The following ELN variants were observed in gnomAD, a reference collection of about 807,000 sequenced individuals.
ELN encodes elastin, also known as tropoelastin.
In ELN, 65 loss-of-function variants were observed where a neutral mutation model predicts 105.8. The ratio of observed to expected loss-of-function variants is 0.61; its 90% CI spans 0.50 to 0.75. ELN has a LOEUF of 0.75. ELN is among the 30% of genes least tolerant of loss of function. The probability of loss-of-function intolerance (pLI) is 0.00; values close to 1 mark genes in which losing one functional copy is unlikely to be tolerated. For missense variants in ELN, 882 were observed against 969.4 expected (o/e 0.91, Z 1.20); for synonymous variants, 368 against 389.2 (o/e 0.95, Z 0.64).
rs544792691 is a variant in ELN, at chr7:74,038,515, C to A, written c.196+776C>A. Reference sequence around the variant, plus strand: ...GCCTCGCCCAAGGGGCTGGGATCTGCCACGAGGGTCCACTCTCAGCTCTGG... The same window carrying A: ...GCCTCGCCCAAGGGGCTGGGATCTGACACGAGGGTCCACTCTCAGCTCTGG... On this transcript the variant is annotated intron_variant, in intron 4 of 32. Coordinates refer to ENST00000252034, the MANE Select transcript of ELN (RefSeq NM_000501.4). 2.6e-5 allele frequency among the ~76,000 whole-genome samples: 4 copies of A among 152,342 alleles called. No individual in the cohort carries two copies. In the South Asian group the frequency reaches 8.3e-4, roughly 32 times the overall value.
Position 74,051,986 on chromosome 7 carries a change from G to A in ELN, c.949+3G>A. On this transcript the variant is annotated splice_donor_region_variant and intron_variant, in intron 17 of 32. Transcript: ENST00000252034. Reference sequence around the variant, plus strand: ...AGCCGCTAAGGCAGCCAAGTATGGTGAGTGCCTCCCGGGGTGGCAAGTCCA... The same window carrying A: ...AGCCGCTAAGGCAGCCAAGTATGGTAAGTGCCTCCCGGGGTGGCAAGTCCA... The A allele has an allele frequency of 6.2e-7, 1 of 1,613,152 alleles. No homozygotes were observed.
chr7:74,046,645 G>A, intron 11 of ELN, 51 bp from the exon 12 acceptor site: 1 of 1,601,132 alleles, frequency 6.2e-7, no homozygotes, highest in Non-Finnish European at 8.6e-7. Flanking sequence ...GGGTGGCGGA[G>A]GGTTTGGAAG....
At chr7:74,032,914 C>T (rs1156294435) in intron 1 of ELN, among the ~76,000 whole-genome samples, 1 of 152,258 alleles carries the variant, frequency 6.6e-6, no homozygotes, top group Non-Finnish European at 1.5e-5. Context: ...GTAACTACTG[C>T]ATACCTGGCC....
intron 9 of ELN, among the ~76,000 whole-genome samples, chr7:74,044,350 G>A (rs1178665698): frequency 1.3e-5 from 2 of 152,012 alleles, no homozygotes; most frequent in East Asian, 1.9e-4. Flanking sequence ...GTCCTGACCT[G>A]AGCCATTTCC....
intron 1 of ELN, among the ~76,000 whole-genome samples, chr7:74,028,695 C>T (rs1486426923): frequency 6.6e-6 from 1 of 152,162 alleles, no homozygotes; most frequent in Non-Finnish European, 1.5e-5. Flanking sequence ...GGGCTTGATA[C>T]CAGCTCAACC....
chr7:74,036,408 G>A (rs1423837359), intron 2 of ELN, 147 bp from the exon 3 acceptor site: 2 of 1,019,004 alleles, frequency 2.0e-6, no homozygotes, highest in Admixed American at 1.9e-5. Context: ...TGGCCAAGCA[G>A]AAGAGAAAAC....
Position 74,051,695 on chromosome 7 carries a change from C to A in ELN, c.800-55C>A, listed in dbSNP as rs1307786307. ...CGCCGGCGTCTAAGTGGCCATCCTG[C>A]CTGTCCTCAGGAGGGTCCTTGGGAA... On this transcript the variant is annotated intron_variant, in intron 15 of 32. Coordinates refer to ENST00000252034, the MANE Select transcript of ELN (RefSeq NM_000501.4). 7.5e-6 allele frequency: 12 copies of A among 1,598,298 alleles called. No homozygotes were observed. The African/African-American group carries it at 1.5e-4, about 20-fold the overall frequency.
At position 74,063,752 on chromosome 7, in the gene ELN, T is replaced by C. The variant is rs564852244; in HGVS notation, c.1993+57T>C. On this transcript the variant is annotated intron_variant, in intron 29 of 32. Coordinates refer to ENST00000252034, the MANE Select transcript of ELN (RefSeq NM_000501.4). This position sits in a 1 kb window ranked among gnomAD's most constrained non-coding sequence, Gnocchi z 4.1. Reference sequence around the variant, plus strand: ...GTGGTGTGTGTATGCGAGACAGAGATGGAGACAGAGACAGAGACAGAGACT... The same window carrying C: ...GTGGTGTGTGTATGCGAGACAGAGACGGAGACAGAGACAGAGACAGAGACT... The C allele has an allele frequency of 5.0e-6, 8 of 1,607,972 alleles. No homozygotes were observed. The highest frequency in any genetic ancestry group is 2.2e-5 in the East Asian group (1 of 44,828).
At chr7:74,052,992 C>A in intron 17 of ELN, 171 bp from the exon 18 acceptor site, 1 of 870,826 alleles carries the variant, frequency 1.1e-6, no homozygotes, top group Non-Finnish European at 1.8e-6. Flanking sequence ...CTTTAGGGAC[C>A]CTCTTAGTCT....
At chr7:74,066,404 TA>T (rs1292606584) in intron 31 of ELN, among the ~76,000 whole-genome samples, 21 of 151,512 alleles carry the variant, frequency 1.4e-4, no homozygotes, top group African/African-American at 4.9e-4. Context: ...CTGTCTCTAC[TA>T]AAAAAAATGC....
chr7:74,051,630 A>C, intron 15 of ELN, 120 bp from the exon 16 acceptor site: 10 of 1,036,710 alleles, frequency 9.6e-6, no homozygotes, highest in East Asian at 2.6e-5. Context: ...ATCTGGAGAC[A>C]CCCGGGCCCC....
In ELN at chr7:74,065,962, G is replaced by A. The variant is rs150984896; in HGVS notation, c.2051G>A (p.Gly684Asp). The A allele has an allele frequency of 6.8e-6, 11 of 1,613,976 alleles. No individual in the cohort carries two copies. The African/African-American group carries it at 1.3e-4, about 20-fold the overall frequency. The change falls in exon 31 of 33, where the codon GGT (glycine) becomes GAT (aspartate). Residue 684 changes from glycine (G) to aspartate (D), a missense_variant. Coordinates refer to ENST00000252034, the MANE Select transcript of ELN (RefSeq NM_000501.4). ...TTCTCAGGTGCTGCTGGCCTTGGAG[G>A]TGTCCTAGGGGGTGCCGGGCAGTTC... ...AAKYGAAGLGGVLGGAGQFPL... is the reference protein window; with the variant it reads ...AAKYGAAGLGDVLGGAGQFPL...
intron 4 of ELN, among the ~76,000 whole-genome samples, chr7:74,040,717 T>C (rs1441346799): frequency 5.9e-5 from 9 of 152,102 alleles, no homozygotes; most frequent in Non-Finnish European, 1.0e-4. Flanking sequence ...AGGGACCCAT[T>C]TGGCGTCTCA....
At chr7:74,045,582 A>T (rs1325805573) in intron 10 of ELN, among the ~76,000 whole-genome samples, 2 of 152,050 alleles carry the variant, frequency 1.3e-5, no homozygotes, top group African/African-American at 4.8e-5. Flanking sequence ...CTACAAAAAC[A>T]TGATTAAAAA....
At chr7:74,042,930 C>T in intron 6 of ELN, 54 bp from the exon 7 acceptor site, 1 of 1,614,114 alleles carries the variant, frequency 6.2e-7, no homozygotes, top group East Asian at 2.2e-5. Context: ...GCCCCGGGCC[C>T]TTCTGCCTCC....
intron 22 of ELN, among the ~76,000 whole-genome samples, chr7:74,058,140 C>T (rs1387707731): frequency 2.7e-5 from 4 of 150,554 alleles, no homozygotes; most frequent in African/African-American, 9.8e-5. Context: ...TCTCCTTCCT[C>T]TTCTTCTCCT....
chr7:74,041,005 G>A (rs915922055), intron 4 of ELN, among the ~76,000 whole-genome samples: 1 of 152,136 alleles, frequency 6.6e-6, no homozygotes, highest in African/African-American at 2.4e-5. Flanking sequence ...GTTAGGGATC[G>A]GTGCAATGAC....
At chr7:74,032,556 A>G (rs1788943287) in intron 1 of ELN, among the ~76,000 whole-genome samples, 1 of 152,114 alleles carries the variant, frequency 6.6e-6, no homozygotes, top group Non-Finnish European at 1.5e-5. Flanking sequence ...AACCTTCTCC[A>G]TTTCCTCATT....
At chr7:74,035,488 A>G in intron 2 of ELN, 74 bp downstream of exon 2, 1 of 1,568,460 alleles carries the variant, frequency 6.4e-7, no homozygotes, top group Non-Finnish European at 8.8e-7. Flanking sequence ...GCACATTTTG[A>G]CACTACAGAA....
Sources: gnomAD v4.1 joint callset for allele counts (sites outside exome capture counted in the v4.1 genomes callset) on GRCh38, gnomAD v4.1.1 for gene constraint, Gnocchi (gnomAD v3.1) non-coding constraint, MANE v1.5 for transcripts, NCBI Gene and HGNC (gene_info 2026-07-23, HGNC 2026-07-21) for gene names.